ELMO1: variants seen among roughly 807,000 people sequenced by gnomAD.
ELMO1 encodes engulfment and cell motility 1.
In ELMO1, 26 loss-of-function variants were observed where a neutral mutation model predicts 98.9. The ratio of observed to expected loss-of-function variants is 0.26; its 90% confidence interval spans 0.19 to 0.36. The LOEUF (loss-of-function observed/expected upper bound fraction) is 0.36. ELMO1 is among the 10% of genes least tolerant of loss of function. ELMO1 has a pLI of 1.00. For missense variants in ELMO1, 627 were observed against 935.2 expected, an observed-to-expected ratio of 0.67 and a Z score of 4.30; for synonymous variants, 346 against 346.0, an observed-to-expected ratio of 1.00 and a Z score of 0.00.
intron 13 of ELMO1, among the ~76,000 whole-genome samples, chr7:37,134,277 G>A (rs1787113782): frequency 6.6e-6 from 1 of 152,102 alleles, no homozygotes. Flanking sequence ...CTACACAAAG[G>A]AAAAGAAATA....
chr7:36,910,901 T>A (rs1296468091), intron 16 of ELMO1, among the ~76,000 whole-genome samples: 1 of 152,162 alleles, frequency 6.6e-6, no homozygotes, highest in Non-Finnish European at 1.5e-5. Context: ...CTTTCACCTC[T>A]CTGTATTTTT....
Position 37,241,510 on chromosome 7 carries a change from T to C in ELMO1, c.449+2846A>G, listed in dbSNP as rs145934344. Among the ~76,000 whole-genome samples, 1,239 of 152,264 alleles carry C rather than the reference T, an allele frequency of 8.1e-3. 20 individuals are homozygous for C. Among genetic ancestry groups the C allele is most frequent in the African/African-American group, 0.029 (1,195 of 41,570 alleles). Reference sequence around the variant, plus strand: ...GCTTAGTCTATTTACATTTAATGTATTGATATGATTAGATTGAAGTCAACC... The same window carrying C: ...GCTTAGTCTATTTACATTTAATGTACTGATATGATTAGATTGAAGTCAACC... On this transcript the variant is annotated intron_variant, in intron 7 of 21. Transcript: ENST00000310758.
At chr7:37,334,209 G>A (rs1333194698) in intron 2 of ELMO1, among the ~76,000 whole-genome samples, 1 of 152,158 alleles carries the variant, frequency 6.6e-6, no homozygotes, top group Non-Finnish European at 1.5e-5. Flanking sequence ...TCAACAGGAG[G>A]AGACTCTGTC....
intron 16 of ELMO1, among the ~76,000 whole-genome samples, chr7:36,988,605 G>A (rs1037167910): frequency 6.6e-6 from 1 of 152,146 alleles, no homozygotes; most frequent in Non-Finnish European, 1.5e-5. Context: ...ATCACTTAGT[G>A]AGATCAGGAA....
rs145663456 is a variant in ELMO1 at position 37,353,121 on chromosome 7, A to C, written c.-73-10358T>G. 6.8e-3 allele frequency: 1,041 copies of C among 152,344 alleles called. 10 individuals are homozygous for C. The highest frequency in any genetic ancestry group is 0.048 in the Middle Eastern group (14 of 294). The allele number at this position is 152,344 out of a possible 1,614,324, so 9.4% of individuals were successfully genotyped here. A position where few individuals can be genotyped will look rare whatever the true frequency, so the allele number is the denominator to read the frequency against. ...ACTAAATCAGGATCATCCCCCAGCCAGCTATGGTCTGGGTAAAGAACTAGA... is the reference window on the plus strand; with the variant it reads ...ACTAAATCAGGATCATCCCCCAGCCCGCTATGGTCTGGGTAAAGAACTAGA... On this transcript the variant is annotated intron_variant, in intron 1 of 21. Coordinates refer to ENST00000310758, the MANE Select transcript of ELMO1 (RefSeq NM_014800.11).
chr7:37,364,919 A>T (rs970871316), intron 1 of ELMO1, among the ~76,000 whole-genome samples: 1 of 152,218 alleles, frequency 6.6e-6, no homozygotes, highest in Non-Finnish European at 1.5e-5. Context: ...TTCCTGGATG[A>T]TGTCTAAAAT....
At chr7:36,966,635 T>G (rs1194041438) in intron 16 of ELMO1, among the ~76,000 whole-genome samples, 1 of 152,244 alleles carries the variant, frequency 6.6e-6, no homozygotes, top group East Asian at 1.9e-4. Flanking sequence ...TGAACTGTCT[T>G]CTTTTTCCTC....
At chr7:37,272,954 G>A (rs1032235129) in intron 4 of ELMO1, among the ~76,000 whole-genome samples, 2 of 152,190 alleles carry the variant, frequency 1.3e-5, no homozygotes, top group Non-Finnish European at 2.9e-5. Context: ...ATTGGTGATG[G>A]CTGCACAACA....
chr7:37,329,765 C>T (rs1418153004), intron 2 of ELMO1, among the ~76,000 whole-genome samples: 1 of 152,182 alleles, frequency 6.6e-6, no homozygotes, highest in Non-Finnish European at 1.5e-5. Context: ...ACCCTTAGCA[C>T]TTTACTCTGC....
At chr7:37,117,681 T>C (rs891194244) in intron 14 of ELMO1, among the ~76,000 whole-genome samples, 2 of 152,158 alleles carry the variant, frequency 1.3e-5, no homozygotes, top group African/African-American at 4.8e-5. Context: ...TTTTAAAACA[T>C]GAAAAAATCC....
chr7:37,269,841 C>T (rs1216631236), intron 5 of ELMO1: 1 of 152,150 alleles, frequency 6.6e-6, no homozygotes, highest in Non-Finnish European at 1.5e-5. Context: ...ACACAAATTC[C>T]ATTCTTCCTG....
chr7:36,928,855 A>C (rs933802222), intron 16 of ELMO1, among the ~76,000 whole-genome samples: 1 of 152,234 alleles, frequency 6.6e-6, no homozygotes, highest in Non-Finnish European at 1.5e-5. Flanking sequence ...AGAATGTACT[A>C]AAGTGTGGCA....
chr7:36,898,842 G>T (rs528280249), intron 16 of ELMO1, among the ~76,000 whole-genome samples: 1 of 152,276 alleles, frequency 6.6e-6, no homozygotes, highest in South Asian at 2.1e-4. Flanking sequence ...TCTCAGCCTG[G>T]GACAGTGGAA....
At chr7:37,217,404 T>G (rs979494992) in intron 10 of ELMO1, among the ~76,000 whole-genome samples, 1 of 152,180 alleles carries the variant, frequency 6.6e-6, no homozygotes, top group African/African-American at 2.4e-5. Flanking sequence ...AGCATAGTCT[T>G]GGAGCACTTG....
At chr7:37,183,750 G>C (rs1791027959) in intron 13 of ELMO1, among the ~76,000 whole-genome samples, 1 of 151,646 alleles carries the variant, frequency 6.6e-6, no homozygotes. Flanking sequence ...AAGAGAATAA[G>C]GTTTAGAAGA....
At chr7:37,349,419 G>C (rs1801156241) in intron 1 of ELMO1, among the ~76,000 whole-genome samples, 1 of 152,144 alleles carries the variant, frequency 6.6e-6, no homozygotes, top group South Asian at 2.1e-4. Context: ...TCTTGGCACT[G>C]CTGTCTTCCT....
intron 14 of ELMO1, among the ~76,000 whole-genome samples, chr7:37,130,130 G>A (rs1786811375): frequency 6.6e-6 from 1 of 152,110 alleles, no homozygotes. Flanking sequence ...TTTCCTCTGT[G>A]TTCCCAGCAT....
At chr7:36,906,457 A>AT (rs1406006357) in intron 16 of ELMO1, among the ~76,000 whole-genome samples, 1 of 152,174 alleles carries the variant, frequency 6.6e-6, no homozygotes, top group Non-Finnish European at 1.5e-5. Context: ...GATTGTCTAC[A>AT]TTTTTTCTAA....
intron 15 of ELMO1, among the ~76,000 whole-genome samples, chr7:37,032,283 A>T (rs1024255607): frequency 1.4e-4 from 21 of 152,158 alleles, no homozygotes; most frequent in Admixed American, 5.2e-4. Context: ...GGAAAGGAAA[A>T]CACAGGGGGC....
Sources: allele counts gnomAD v4.1 joint callset (sites outside exome capture counted in the v4.1 genomes callset), GRCh38; gene constraint gnomAD v4.1.1; transcripts MANE v1.5; gene names NCBI Gene and HGNC (gene_info 2026-07-23, HGNC 2026-07-21).